The following MYO18B variants were observed in gnomAD, a reference collection of about 807,000 sequenced individuals.
MYO18B encodes the protein unconventional myosin-XVIIIb.
In MYO18B, 204 loss-of-function variants were observed where a neutral mutation model predicts 273.0. That is an observed-to-expected ratio of 0.75 (90% CI 0.67 to 0.84). The LOEUF (loss-of-function observed/expected upper bound fraction) is 0.84. MYO18B is among the 40% of genes least tolerant of loss of function. The pLI, the probability that MYO18B is intolerant of heterozygous loss-of-function variation, is 0.00. For synonymous variants in MYO18B, 1,330 were observed against 1,305.7 expected, an observed-to-expected ratio of 1.02 and a Z score of -0.40; for missense variants, 3,212 against 3,287.6, an observed-to-expected ratio of 0.98 and a Z score of 0.56.
At chr22:25,894,449 A>G (rs2091746960) in intron 27 of MYO18B, among the ~76,000 whole-genome samples, 1 of 152,256 alleles carries the variant, frequency 6.6e-6, no homozygotes, top group Non-Finnish European at 1.5e-5. Flanking sequence ...TAGTCAAAAG[A>G]TAAGACATCT....
Position 25,780,120 on chromosome 22 carries a change from C to T in MYO18B, c.2133C>T (p.Ser711=), listed in dbSNP as rs747980654. 13 of 1,603,718 alleles carry T rather than the reference C, an allele frequency of 8.1e-6. No individual in the cohort carries two copies. Among genetic ancestry groups the T allele is most frequent in the Non-Finnish European group, 1.0e-5 (12 of 1,176,046 alleles). The change falls in exon 9 of 44, where the codon AGC becomes AGT. Residue 711 remains serine, a synonymous_variant. Transcript: ENST00000335473. ...RAFGSVSMAH[S]RSATRFSMVM... is the part of the protein sequence containing the mutation. ...TCGGCTCTGTGTCCATGGCCCACAG[C>T]CGCAGTGCCACCCGGTTCTCCATGG...
At chr22:25,895,358 G>A (rs763481216) in intron 28 of MYO18B, 78 bp downstream of exon 28, 1 of 1,509,884 alleles carries the variant, frequency 6.6e-7, no homozygotes, top group Non-Finnish European at 9.0e-7. Context: ...GGTGATCGAG[G>A]TATTAGCTGA....
chr22:25,771,414 T>A (rs1196378404), intron 6 of MYO18B, among the ~76,000 whole-genome samples: 1 of 152,268 alleles, frequency 6.6e-6, no homozygotes. Flanking sequence ...TAGGTTCTAA[T>A]GGCCTATATT....
chr22:26,018,604 C>T (rs545924798), intron 42 of MYO18B, among the ~76,000 whole-genome samples: 1 of 152,262 alleles, frequency 6.6e-6, no homozygotes, highest in African/African-American at 2.4e-5. Context: ...GAGCCATCGC[C>T]GCCATTGAAA....
Position 25,803,961 on chromosome 22 carries a change from C to G in MYO18B, c.2521+5864C>G, listed in dbSNP as rs374987759. Among the ~76,000 whole-genome samples the G allele has an allele frequency of 6.7e-4, 84 of 125,766 alleles. 1 individual carries two copies. Among genetic ancestry groups the G allele is most frequent in the African/African-American group, 2.4e-3 (83 of 34,566 alleles). 82.5% of individuals were successfully genotyped at this position (125,766 alleles called of 152,430 possible). ...GGTAAGAAACATTTTACCTCTTGAC[C>G]CAGTGAACACACACACACACACACA... On this transcript the variant is annotated intron_variant, in intron 12 of 43. Transcript: ENST00000335473.
At chr22:26,056,709 GGAA>G in the MYO18B span, among the ~76,000 whole-genome samples, 1 of 152,202 alleles carries the variant, frequency 6.6e-6, no homozygotes, top group African/African-American at 2.4e-5. Context: ...CCTGCAGAGT[GGAA>G]GAAGGTGATG....
intron 40 of MYO18B, among the ~76,000 whole-genome samples, chr22:25,996,901 C>T (rs1569277417): frequency 6.6e-6 from 1 of 152,148 alleles, no homozygotes. Flanking sequence ...TCCTCTTTCC[C>T]TTTCTCCTAC....
intron 39 of MYO18B, among the ~76,000 whole-genome samples, chr22:25,985,912 A>G (rs2093197346): frequency 6.6e-6 from 1 of 152,158 alleles, no homozygotes; most frequent in African/African-American, 2.4e-5. Context: ...GATTAGAGGC[A>G]TGAGCCGCCC....
intron 42 of MYO18B, among the ~76,000 whole-genome samples, chr22:26,009,663 T>G (rs1374489214): frequency 6.6e-6 from 1 of 152,120 alleles, no homozygotes; most frequent in Non-Finnish European, 1.5e-5. Flanking sequence ...TGTTGAACAT[T>G]TCATGGAACT....
chr22:25,847,249 T>C (rs561633445), intron 19 of MYO18B, among the ~76,000 whole-genome samples, 181 bp from the exon 20 acceptor site: 1 of 152,270 alleles, frequency 6.6e-6, no homozygotes, highest in East Asian at 1.9e-4. Flanking sequence ...CTCCATCTGT[T>C]TCAACAAGAA....
chr22:25,991,654 C>G (rs1310822019), intron 39 of MYO18B, among the ~76,000 whole-genome samples: 2 of 152,184 alleles, frequency 1.3e-5, no homozygotes, highest in African/African-American at 2.4e-5. Context: ...GCTTGAGTTC[C>G]AGCTCCGCCA....
chr22:26,052,837 C>T, the MYO18B span, among the ~76,000 whole-genome samples: 1 of 147,904 alleles, frequency 6.8e-6, no homozygotes, highest in African/African-American at 2.5e-5. Flanking sequence ...GAGTTTCGCT[C>T]TGTCGCTCAG....
At chr22:25,988,935 T>C (rs1274840598) in intron 39 of MYO18B, among the ~76,000 whole-genome samples, 3 of 152,190 alleles carry the variant, frequency 2.0e-5, no homozygotes, top group Non-Finnish European at 4.4e-5. Flanking sequence ...CTCCAGAGCC[T>C]ACTTTCACTT....
At chr22:25,813,178 T>C (rs1284569903) in intron 12 of MYO18B, among the ~76,000 whole-genome samples, 1 of 126,868 alleles carries the variant, frequency 7.9e-6, no homozygotes, top group Non-Finnish European at 1.6e-5. Context: ...CTTCCTCTTC[T>C]TCTTCCTTTT....
chr22:25,970,266 A>G (rs527443696), intron 39 of MYO18B, among the ~76,000 whole-genome samples: 35 of 152,344 alleles, frequency 2.3e-4, no homozygotes, highest in Admixed American at 5.2e-4. Flanking sequence ...AGAATCAAAG[A>G]GCACTGCAGA....
intron 11 of MYO18B, among the ~76,000 whole-genome samples, chr22:25,796,175 A>G (rs950488597): frequency 5.3e-5 from 8 of 152,170 alleles, no homozygotes; most frequent in Non-Finnish European, 8.8e-5. Context: ...GTGTGTGCAT[A>G]GTAGCTTCAG....
In MYO18B at chr22:25,947,843, C is replaced by T. The variant is rs757956023; in HGVS notation, c.5748+15C>T. On this transcript the variant is annotated intron_variant, in intron 36 of 43. Transcript: ENST00000335473. The stretch of plus-strand genomic sequence containing the variant: ...TCATTGCTCAGGTAGTGAATGAGAC[C>T]TTGGTGGAAGAAGCTCAGGGACTTG... 7.5e-6 allele frequency: 12 copies of T among 1,596,188 alleles called. No individual in the cohort carries two copies. The highest frequency in any genetic ancestry group is 1.0e-5 in the Non-Finnish European group (12 of 1,164,358).
At chr22:25,791,921 C>T (rs1298040992) in intron 11 of MYO18B, among the ~76,000 whole-genome samples, 1 of 152,228 alleles carries the variant, frequency 6.6e-6, no homozygotes, top group African/African-American at 2.4e-5. Flanking sequence ...CCCAAAGGCA[C>T]ACAGCTTTTA....
rs371678116 is a variant in MYO18B, at chr22:25,955,227, C to A, written c.6019C>A (p.Leu2007Ile). 5 of 1,613,164 alleles carry A rather than the reference C, an allele frequency of 3.1e-6. No individual in the cohort carries two copies. Among genetic ancestry groups the A allele is most frequent in the Non-Finnish European group, 3.4e-6 (4 of 1,179,708 alleles). Residue 2007 changes from leucine to isoleucine, a missense_variant, in exon 39 of 44, where the codon CTT becomes ATT. Coordinates refer to ENST00000335473, the MANE Select transcript of MYO18B (RefSeq NM_032608.7). The part of the protein sequence containing the change: ...RDSLIKMGEE[L>I]SQAATSESQQ... ...CAGCCTGATCAAGATGGGGGAGGAG[C>A]TTTCACAGGCGGCCACCTCCGAGTC...
Sources: gnomAD v4.1 joint callset for allele counts (sites outside exome capture counted in the v4.1 genomes callset) on GRCh38, gnomAD v4.1.1 for gene constraint, MANE v1.5 for transcripts, NCBI Gene and HGNC (gene_info 2026-07-23, HGNC 2026-07-21) for gene names.